Variants in THEMIS2 observed in about 807,000 individuals in gnomAD.
The protein encoded by THEMIS2 is thymocyte selection associated family member 2, also known as protein THEMIS2.
Under a neutral mutation model 46.8 loss-of-function variants are expected in THEMIS2, and 29 were observed. That is an observed-to-expected ratio of 0.62 (90% CI 0.46 to 0.84). The LOEUF is 0.84. THEMIS2 is among the 40% of genes least tolerant of loss of function. The probability of loss-of-function intolerance (pLI) is 0.00; values close to 1 mark genes in which losing one functional copy is unlikely to be tolerated. For missense variants in THEMIS2, 698 were observed against 834.7 expected (o/e 0.84, Z 2.02); for synonymous variants, 335 against 349.1 (o/e 0.96, Z 0.45).
At chr1:27,875,984 G>A (rs949123186) in intron 1 of THEMIS2, among the ~76,000 whole-genome samples, 6 of 152,032 alleles carry the variant, frequency 3.9e-5, no homozygotes, top group Non-Finnish European at 5.9e-5. Context: ...TTACAGGCGT[G>A]AGCCACCGCG....
Position 27,885,302 on chromosome 1 carries a change from A to G in THEMIS2, c.1727A>G (p.Gln576Arg), listed in dbSNP as rs750893121. Reference sequence around the variant, plus strand: ...CTGCTTTTTCTCCCAAAGTCTTCTCAAGTCTTAGGATTGCAGCAACACGCT... The same window carrying G: ...CTGCTTTTTCTCCCAAAGTCTTCTCGAGTCTTAGGATTGCAGCAACACGCT... ...HSSEGGVKSSQVLGLQQHARL... is the reference protein window; with the variant it reads ...HSSEGGVKSSRVLGLQQHARL... Residue 576 changes from glutamine to arginine, a missense_variant, in exon 5 of 6, where the codon CAA becomes CGA. Physicochemically the swap from Gln to Arg is conservative, Grantham distance 43. Transcript: ENST00000373921. The G allele has an allele frequency of 1.1e-5, 17 of 1,613,592 alleles. No individual in the cohort carries two copies. The South Asian group carries it at 1.6e-4, about 16-fold the overall frequency.
intron 4 of THEMIS2, 66 bp from the exon 5 acceptor site, chr1:27,885,229 C>T (rs551480656): frequency 1.1e-5 from 17 of 1,554,172 alleles, no homozygotes; most frequent in Middle Eastern, 1.7e-4. Context: ...CGTGAATGAC[C>T]GTTTTTCATG....
At chr1:27,875,847 C>T (rs2089566583) in intron 1 of THEMIS2, among the ~76,000 whole-genome samples, 1 of 152,002 alleles carries the variant, frequency 6.6e-6, no homozygotes, top group Admixed American at 6.6e-5. Flanking sequence ...ACTACAGGTG[C>T]CCGCCACCAT....
At position 27,882,098 on chromosome 1, in the gene THEMIS2, T is replaced by C. The variant is rs201896233; in HGVS notation, c.774T>C (p.Pro258=). ...GCGAGGTCCTGGCCTGGGAAGGCCC[T>C]TTCCCCCTGTCCATGGAGATCCTGG... ...LLSEVLAWEG[P]FPLSMEILEV... The change falls in exon 4 of 6, where the codon CCT becomes CCC. Residue 258 remains proline (P), a synonymous_variant. Transcript: ENST00000373921. The surrounding 1 kb of genome is among the most constrained non-coding windows in gnomAD (Gnocchi z 7.6). 6.2e-7 allele frequency: 1 copy of C among 1,614,186 alleles called. No homozygotes were observed. The highest frequency in any genetic ancestry group is 8.5e-7 in the Non-Finnish European group (1 of 1,180,012).
At chr1:27,881,917 T>TG in intron 3 of THEMIS2, 54 bp from the exon 4 acceptor site, 1 of 1,442,904 alleles carries the variant, frequency 6.9e-7, no homozygotes, top group Non-Finnish European at 9.5e-7. Context: ...ATGCCTGGGG[T>TG]GGGGGCCACT....
In THEMIS2 at chr1:27,877,588, A is replaced by G. The variant is rs535334143; in HGVS notation, c.235+860A>G. The stretch of plus-strand genomic sequence containing the variant: ...GTGATCTGCCCGCCTTGGCCTCCCA[A>G]AGTGCTGGGATTACAGGCATGAGCC... On this transcript the variant is annotated intron_variant, in intron 2 of 5. Coordinates refer to ENST00000373921, the MANE Select transcript of THEMIS2 (RefSeq NM_001105556.3). 7.2e-5 allele frequency among the ~76,000 whole-genome samples: 11 copies of G among 152,108 alleles called. No homozygotes were observed. In the East Asian group the frequency reaches 1.6e-3, roughly 22 times the overall value.
At position 27,876,742 on chromosome 1, in the gene THEMIS2, C is replaced by T. The variant is rs2089587546; in HGVS notation, c.235+14C>T. ...CCAACTTCCAGGGTAAGGTGGGCACCTCTGCCTCCCCATGTGCCCTGGCAC... is the reference window on the plus strand; with the variant it reads ...CCAACTTCCAGGGTAAGGTGGGCACTTCTGCCTCCCCATGTGCCCTGGCAC... On this transcript the variant is annotated intron_variant, in intron 2 of 5. Coordinates refer to ENST00000373921, the MANE Select transcript of THEMIS2 (RefSeq NM_001105556.3). 1 of 1,612,730 alleles carries T rather than the reference C, an allele frequency of 6.2e-7. No homozygotes were observed. Among genetic ancestry groups the T allele is most frequent in the South Asian group, 1.1e-5 (1 of 90,864 alleles).
rs372097555 is a variant in THEMIS2, at chr1:27,876,631, G to A, written c.138G>A (p.Thr46=). ...CTGGGAATGAGTGCTGCCTCTCCAC[G>A]GGGGACCTGATCAAGGTCACCCAGG... ...EISGNECCLS[T]GDLIKVTQVR... Residue 46 remains threonine (T), a synonymous_variant, in exon 2 of 6, where the codon ACG becomes ACA. Coordinates refer to ENST00000373921, the MANE Select transcript of THEMIS2 (RefSeq NM_001105556.3). 5.0e-6 allele frequency: 8 copies of A among 1,613,830 alleles called. No homozygotes were observed. The highest frequency in any genetic ancestry group is 1.1e-5 in the South Asian group (1 of 91,062).
intron 1 of THEMIS2, among the ~76,000 whole-genome samples, chr1:27,874,033 G>GGTTTTTTTTT (rs2089534227): frequency 1.0e-5 from 1 of 97,164 alleles, no homozygotes; most frequent in Non-Finnish European, 1.8e-5. Context: ...TTCAACCTAG[G>GGTTTTTTTTT]TTTTTTTTTT....
In THEMIS2 at chr1:27,885,936, C is replaced by T. The variant is rs746373739; in HGVS notation, c.*14C>T. 6.2e-7 allele frequency: 1 copy of T among 1,613,498 alleles called. No homozygotes were observed. The highest frequency in any genetic ancestry group is 2.2e-5 in the East Asian group (1 of 44,876). ...AAAACCATCTAAGTGCTGGAGGAAC[C>T]ACGCTTCCTAACTGCTGCTTCTCAG... On this transcript the variant is annotated 3_prime_UTR_variant, in exon 6 of 6. Transcript: ENST00000373921.
chr1:27,874,563 CT>C (rs1334841885), intron 1 of THEMIS2, among the ~76,000 whole-genome samples: 4 of 151,970 alleles, frequency 2.6e-5, no homozygotes. Flanking sequence ...AGGAGGATCA[CT>C]TGAACTCAGG....
intron 5 of THEMIS2, among the ~76,000 whole-genome samples, chr1:27,885,657 C>T (rs758209141): frequency 6.6e-6 from 1 of 152,112 alleles, no homozygotes; most frequent in Admixed American, 6.6e-5. Flanking sequence ...AAAATGAGTT[C>T]AGTCCCCAAC....
intron 4 of THEMIS2, chr1:27,884,943 C>T (rs778999188): frequency 8.1e-5 from 16 of 196,870 alleles, no homozygotes; most frequent in Non-Finnish European, 1.2e-4. Context: ...TCAGCTCAGG[C>T]GTCGTCACAA....
Position 27,872,618 on chromosome 1 carries a change from C to G in THEMIS2, c.47C>G (p.Ala16Gly), listed in dbSNP as rs1430554215. 1 of 1,476,622 alleles carries G rather than the reference C, an allele frequency of 6.8e-7. No homozygotes were observed. Among genetic ancestry groups the G allele is most frequent in the African/African-American group, 1.5e-5 (1 of 68,840 alleles). 91.5% of individuals were successfully genotyped at this position (1,476,622 alleles called of 1,614,324 possible). The change falls in exon 1 of 6, where the codon GCC becomes GGC. Residue 16 changes from alanine to glycine, a missense_variant. Coordinates refer to ENST00000373921, the MANE Select transcript of THEMIS2 (RefSeq NM_001105556.3). The surrounding 1 kb of genome is among the most constrained non-coding windows in gnomAD (Gnocchi z 4.9). ...GACTTCGTGCGCGCCTTGGACCCCG[C>G]CTCCCTCCCGCGCGTGCTGCGGGTC... ...LQDFVRALDP[A>G]SLPRVLRVCS...
intron 2 of THEMIS2, 134 bp from the exon 3 acceptor site, chr1:27,879,510 C>T (rs1185474172): frequency 1.3e-6 from 1 of 765,320 alleles, no homozygotes; most frequent in African/African-American, 1.8e-5. Context: ...AGATGCAAAT[C>T]TGTCATTGAC....
At position 27,876,638 on chromosome 1, in the gene THEMIS2, C is replaced by A. The variant is rs759144236; in HGVS notation, c.145C>A (p.Leu49Met). The part of the protein sequence containing the change: ...GNECCLSTGD[L>M]IKVTQVRLQK... Reference sequence around the variant, plus strand: ...TGAGTGCTGCCTCTCCACGGGGGACCTGATCAAGGTCACCCAGGTCCGCCT... The same window carrying A: ...TGAGTGCTGCCTCTCCACGGGGGACATGATCAAGGTCACCCAGGTCCGCCT... Residue 49 changes from leucine to methionine, a missense_variant, in exon 2 of 6, where the codon CTG becomes ATG. By Grantham distance (15) the Leu-to-Met change is conservative. Coordinates refer to ENST00000373921, the MANE Select transcript of THEMIS2 (RefSeq NM_001105556.3). The A allele has an allele frequency of 3.1e-6, 5 of 1,614,058 alleles. No individual in the cohort carries two copies. Among genetic ancestry groups the A allele is most frequent in the Non-Finnish European group, 4.2e-6 (5 of 1,179,992 alleles).
intron 2 of THEMIS2, among the ~76,000 whole-genome samples, chr1:27,879,324 G>T (rs2089637929): frequency 1.3e-5 from 2 of 152,116 alleles, no homozygotes; most frequent in Admixed American, 6.5e-5. Context: ...GGCAGGTAGG[G>T]TCAGGAGCTT....
In THEMIS2 at chr1:27,879,753, C is replaced by A. The variant is rs1235420007; in HGVS notation, c.345C>A (p.His115Gln). Residue 115 changes from histidine (H) to glutamine (Q), a missense_variant, in exon 3 of 6, where the codon CAC becomes CAA. His to Gln is a conservative substitution (Grantham distance 24, BLOSUM62 0). Coordinates refer to ENST00000373921, the MANE Select transcript of THEMIS2 (RefSeq NM_001105556.3). Reference protein sequence around the residue: ...KQLPTCFMSTHRIVTEGRVVT... With the variant: ...KQLPTCFMSTQRIVTEGRVVT... ...TGCCCACTTGCTTCATGTCGACCCACAGGATTGTCACAGAGGGCAGGGTGG... is the reference window on the plus strand; with the variant it reads ...TGCCCACTTGCTTCATGTCGACCCAAAGGATTGTCACAGAGGGCAGGGTGG... 1 of 1,614,138 alleles carries A rather than the reference C, an allele frequency of 6.2e-7. No individual in the cohort carries two copies. Among genetic ancestry groups the A allele is most frequent in the East Asian group, 2.2e-5 (1 of 44,868 alleles).
At position 27,885,981 on chromosome 1, in the gene THEMIS2, C is replaced by T; in HGVS notation, c.*59C>T. The T allele has an allele frequency of 1.9e-6, 3 of 1,546,566 alleles. No individual in the cohort carries two copies. The highest frequency in any genetic ancestry group is 1.8e-6 in the Non-Finnish European group (2 of 1,119,660). ...TCTCAGGGAATCCGACACCAGCCAACCATTTTAAGCCTCTAAAAGACCTCG... is the reference window on the plus strand; with the variant it reads ...TCTCAGGGAATCCGACACCAGCCAATCATTTTAAGCCTCTAAAAGACCTCG... On this transcript the variant is annotated 3_prime_UTR_variant, in exon 6 of 6. Coordinates refer to ENST00000373921, the MANE Select transcript of THEMIS2 (RefSeq NM_001105556.3).
Sources: gnomAD v4.1 joint callset for allele counts (sites outside exome capture counted in the v4.1 genomes callset) on GRCh38, gnomAD v4.1.1 for gene constraint, Gnocchi (gnomAD v3.1) non-coding constraint, MANE v1.5 for transcripts, NCBI Gene and HGNC (gene_info 2026-07-23, HGNC 2026-07-21) for gene names.